The following CSMD3 variants were observed in gnomAD, a reference collection of about 807,000 sequenced individuals.
CSMD3 encodes the protein CUB and sushi domain-containing protein 3.
In CSMD3, 177 loss-of-function variants were observed where a neutral mutation model predicts 435.2. That is an observed-to-expected ratio of 0.41 (90% confidence interval 0.36 to 0.46). CSMD3 has a LOEUF of 0.46. CSMD3 is among the 20% of genes least tolerant of loss of function. The pLI is 0.34. For missense variants in CSMD3, 4,265 were observed against 4,504.6 expected, an observed-to-expected ratio of 0.95 and a Z score of 1.52; for synonymous variants, 1,656 against 1,520.5, an observed-to-expected ratio of 1.09 and a Z score of -2.07.
At chr8:113,031,062 A>G (rs2087088754) in intron 5 of CSMD3, among the ~76,000 whole-genome samples, 2 of 151,704 alleles carry the variant, frequency 1.3e-5, no homozygotes, top group Admixed American at 6.6e-5. Context: ...AAAATGGTAT[A>G]CCAACACTGG....
chr8:112,534,239 G>GT, intron 27 of CSMD3, among the ~76,000 whole-genome samples: 1 of 152,122 alleles, frequency 6.6e-6, no homozygotes, highest in East Asian at 1.9e-4. Flanking sequence ...CCAGGAGCTG[G>GT]TTTTTTGAAA....
At chr8:112,297,477 A>G (rs1056555587) in intron 53 of CSMD3, among the ~76,000 whole-genome samples, 5 of 152,212 alleles carry the variant, frequency 3.3e-5, no homozygotes, top group African/African-American at 7.2e-5. Context: ...AAAAAATTCT[A>G]TGTAATTATT....
At chr8:112,782,923 T>G (rs1489831656) in intron 13 of CSMD3, among the ~76,000 whole-genome samples, 4 of 152,070 alleles carry the variant, frequency 2.6e-5, no homozygotes, top group African/African-American at 7.2e-5. Flanking sequence ...ACATCAGACC[T>G]GTCCTATAAG....
intron 6 of CSMD3, chr8:113,018,834 C>A (rs1348359213): frequency 1.1e-5 from 6 of 525,540 alleles, no homozygotes; most frequent in Non-Finnish European, 2.0e-5. Flanking sequence ...CTACATACTA[C>A]CTTTTAGAAA....
intron 1 of CSMD3, among the ~76,000 whole-genome samples, chr8:113,365,283 G>C (rs2133017459): frequency 6.6e-6 from 1 of 152,132 alleles, no homozygotes; most frequent in East Asian, 1.9e-4. Context: ...TTCTTGAATA[G>C]ATCAACAGCT....
At position 113,063,202 on chromosome 8, in the gene CSMD3, C is replaced by T. The variant is rs539530451; in HGVS notation, c.917+35554G>A. Reference sequence around the variant, plus strand: ...AAAAAAAAAGCAAAACAAAACTTTACCATTCACAGTGATAGAATTGAGATT... The same window carrying T: ...AAAAAAAAAGCAAAACAAAACTTTATCATTCACAGTGATAGAATTGAGATT... On this transcript the variant is annotated intron_variant, in intron 5 of 70. Transcript: ENST00000297405. 2.6e-5 allele frequency among the ~76,000 whole-genome samples: 4 copies of T among 151,462 alleles called. No homozygotes were observed. The South Asian group carries it at 6.2e-4, about 24-fold the overall frequency.
chr8:113,014,558 C>T (rs1323552539), intron 6 of CSMD3, among the ~76,000 whole-genome samples: 1 of 152,006 alleles, frequency 6.6e-6, no homozygotes, highest in Non-Finnish European at 1.5e-5. Context: ...AACAACCAAC[C>T]ATCCTGTAAA....
At chr8:113,048,337 C>T (rs2087933826) in intron 5 of CSMD3, among the ~76,000 whole-genome samples, 1 of 152,116 alleles carries the variant, frequency 6.6e-6, no homozygotes, top group Non-Finnish European at 1.5e-5. Flanking sequence ...ATGTGATCCG[C>T]CCGCCTCGGC....
chr8:112,967,242 G>A (rs1422073644), intron 7 of CSMD3, among the ~76,000 whole-genome samples: 1 of 151,806 alleles, frequency 6.6e-6, no homozygotes, highest in Non-Finnish European at 1.5e-5. Flanking sequence ...CTATTCACTT[G>A]AAATTTCTTC....
At chr8:112,671,971 T>C (rs1196813354) in intron 16 of CSMD3, among the ~76,000 whole-genome samples, 1 of 152,094 alleles carries the variant, frequency 6.6e-6, no homozygotes, top group Non-Finnish European at 1.5e-5. Context: ...CTACTATGTC[T>C]AAGATACTGT....
chr8:112,925,249 G>T (rs774670023), intron 9 of CSMD3, among the ~76,000 whole-genome samples: 8 of 151,964 alleles, frequency 5.3e-5, no homozygotes, highest in African/African-American at 1.9e-4. Flanking sequence ...ATTAAGATTT[G>T]ATTTTAATTT....
chr8:113,126,419 T>C (rs1203690835), intron 4 of CSMD3, among the ~76,000 whole-genome samples: 2 of 151,910 alleles, frequency 1.3e-5, no homozygotes, highest in Non-Finnish European at 2.9e-5. Flanking sequence ...GAAAATTATA[T>C]TGATGTATAT....
At position 113,191,405 on chromosome 8, in the gene CSMD3, G is replaced by A. The variant is rs147158124; in HGVS notation, c.515-17489C>T. Among the ~76,000 whole-genome samples, 428 of 151,458 alleles carry A rather than the reference G, an allele frequency of 2.8e-3. 3 individuals carry two copies. The highest frequency in any genetic ancestry group is 9.6e-3 in the African/African-American group (398 of 41,400). On this transcript the variant is annotated intron_variant, in intron 3 of 70. Transcript: ENST00000297405. ...CACATCTTCCCTCTTTCCTTCCCAG[G>A]TCCAGAAGTCCCCCGTGTCTATTAT...
At chr8:113,147,121 C>T (rs945148715) in intron 4 of CSMD3, among the ~76,000 whole-genome samples, 4 of 151,512 alleles carry the variant, frequency 2.6e-5, no homozygotes, top group Admixed American at 6.6e-5. Context: ...TAAAATCACT[C>T]CCTAATAAAT....
chr8:113,208,293 A>T (rs2092794113), intron 3 of CSMD3, among the ~76,000 whole-genome samples: 1 of 152,062 alleles, frequency 6.6e-6, no homozygotes, highest in South Asian at 2.1e-4. Flanking sequence ...AGAGAATCAG[A>T]CTTTCTGGAA....
intron 12 of CSMD3, among the ~76,000 whole-genome samples, chr8:112,807,866 T>A (rs73344019): frequency 0.012 from 1,771 of 152,224 alleles, 27 homozygotes; most frequent in African/African-American, 0.04. Flanking sequence ...GATGAATGAA[T>A]TATAAAGGAG....
intron 1 of CSMD3, among the ~76,000 whole-genome samples, chr8:113,348,202 T>C (rs2094164686): frequency 6.6e-6 from 1 of 152,204 alleles, no homozygotes; most frequent in South Asian, 2.1e-4. Flanking sequence ...GGTCCGTTAT[T>C]AATGTATTCG....
intron 9 of CSMD3, among the ~76,000 whole-genome samples, chr8:112,936,605 A>G (rs1403146892): frequency 6.6e-6 from 1 of 152,176 alleles, no homozygotes; most frequent in African/African-American, 2.4e-5. Context: ...ACTTTTTTTC[A>G]AAAACACCCT....
chr8:112,294,435 A>T (rs1047980961), intron 54 of CSMD3, among the ~76,000 whole-genome samples: 2 of 152,134 alleles, frequency 1.3e-5, no homozygotes, highest in Non-Finnish European at 2.9e-5. Flanking sequence ...AATGTCCGTT[A>T]TCTGGAGATG....
Sources: gnomAD v4.1 joint callset for allele counts (sites outside exome capture counted in the v4.1 genomes callset) on GRCh38, gnomAD v4.1.1 for gene constraint, MANE v1.5 for transcripts, NCBI Gene and HGNC (gene_info 2026-07-23, HGNC 2026-07-21) for gene names.